TCHH: variants seen among roughly 807,000 people sequenced by gnomAD.
TCHH encodes trichohyalin.
A neutral mutation model predicts 6.3 loss-of-function variants in TCHH; 6 were observed. The observed-to-expected ratio is 0.95, with a 90% CI of 0.52 to 1.88. The LOEUF is 1.88. TCHH is among the 40% of genes most tolerant of loss of function. The probability of loss-of-function intolerance (pLI) is 0.01; values close to 1 mark genes in which losing one functional copy is unlikely to be tolerated. For missense variants in TCHH, 2,920 were observed against 2,449.1 expected, an observed-to-expected ratio of 1.19 and a Z score of -4.06; for synonymous variants, 1,087 against 963.6, an observed-to-expected ratio of 1.13 and a Z score of -2.37.
At position 152,109,376 on chromosome 1, in the gene TCHH, G is replaced by A; in HGVS notation, c.3841C>T (p.Gln1281Ter). ...LGEQQERDRE[Q>*]ERRRWQQRDR... ...CGCTGCTGCCAGCGCCTCCTCTCTTGCTCACGATCTCGCTCTTGCTGTTCA... is the reference window on the plus strand; with the variant it reads ...CGCTGCTGCCAGCGCCTCCTCTCTTACTCACGATCTCGCTCTTGCTGTTCA... Residue 1281 changes from glutamine (Q) to a stop codon, truncating the protein, a stop_gained, in exon 3 of 3, where the codon CAA (glutamine) becomes TAA (stop). Coordinates refer to ENST00000614923, the MANE Select transcript of TCHH (RefSeq NM_007113.4). LOFTEE classifies it low-confidence loss of function (END_TRUNC). 1.2e-6 allele frequency: 2 copies of A among 1,614,196 alleles called. No homozygotes were observed. The highest frequency in any genetic ancestry group is 1.7e-6 in the Non-Finnish European group (2 of 1,180,042).
At position 152,109,061 on chromosome 1, in the gene TCHH, G is replaced by A; in HGVS notation, c.4156C>T (p.Gln1386Ter). Reference protein sequence around the residue: ...FLEEEQRLRRQERERKFLKEE... With the variant: ...FLEEEQRLRR The stretch of plus-strand genomic sequence containing the variant: ...TTAAGGAATTTTCTCTCCCGTTCCT[G>A]GCGGCGCAGCCGCTGTTCCTCCTCG... The change falls in exon 3 of 3, where the codon CAG (glutamine) becomes TAG (stop). Residue 1386 changes from glutamine (Q) to a stop codon, truncating the protein, a stop_gained. Coordinates refer to ENST00000614923, the MANE Select transcript of TCHH (RefSeq NM_007113.4). LOFTEE classifies it low-confidence loss of function (END_TRUNC). 1.9e-6 allele frequency: 3 copies of A among 1,613,314 alleles called. No individual in the cohort carries two copies. In the South Asian group the frequency reaches 3.3e-5, roughly 18 times the overall value.
In TCHH at chr1:152,107,922, G is replaced by A. The variant is rs1365421118; in HGVS notation, c.5295C>T (p.Arg1765=). The change falls in exon 3 of 3, where the codon CGC becomes CGT. Residue 1765 remains arginine (R), a synonymous_variant. Coordinates refer to ENST00000614923, the MANE Select transcript of TCHH (RefSeq NM_007113.4). ...LRPEREEQQL[R]RQERDRKFRE... is the part of the protein sequence containing the mutation. ...GGAATTTTCTGTCGCGCTCCTGGCG[G>A]CGCAGCTGCTGTTCTTCCCTTTCCG... The A allele has an allele frequency of 1.3e-5, 21 of 1,613,176 alleles. No homozygotes were observed. Among genetic ancestry groups the A allele is most frequent in the East Asian group, 4.5e-5 (2 of 44,772 alleles).
Position 152,112,919 on chromosome 1 carries a change from G to A in TCHH, c.298C>T (p.Arg100Ter). 6.2e-7 allele frequency: 1 copy of A among 1,613,764 alleles called. No individual in the cohort carries two copies. Among genetic ancestry groups the A allele is most frequent in the South Asian group, 1.1e-5 (1 of 91,050 alleles). The change falls in exon 3 of 3, where the codon CGA becomes TGA. Residue 100 changes from arginine (R) to a stop codon, truncating the protein, a stop_gained. Coordinates refer to ENST00000614923, the MANE Select transcript of TCHH (RefSeq NM_007113.4). LOFTEE classifies it low-confidence loss of function (END_TRUNC). ...GQATGLDEEK[R>*]ARCDGKESLL... ...CTCTCCTTTCCGTCACACCGGGCTC[G>A]CTTCTCCTCATCCAGTCCCGTGGCC...
chr1:152,108,200 C>T lies in TCHH; in HGVS notation c.5017G>A (p.Glu1673Lys), dbSNP rs1456073929. 1.2e-6 allele frequency: 2 copies of T among 1,610,960 alleles called. No individual in the cohort carries two copies. The highest frequency in any genetic ancestry group is 1.7e-6 in the Non-Finnish European group (2 of 1,179,200). ...HDRDRKFREEEQLLQEGEEQQ... is the reference protein window; with the variant it reads ...HDRDRKFREEKQLLQEGEEQQ... Reference sequence around the variant, plus strand: ...TCCTCCCCTTCCTGGAGCAGCTGTTCCTCTTCACGGAATTTTCTGTCGCGG... The same window carrying T: ...TCCTCCCCTTCCTGGAGCAGCTGTTTCTCTTCACGGAATTTTCTGTCGCGG... The change falls in exon 3 of 3, where the codon GAA (glutamate) becomes AAA (lysine). Residue 1673 changes from glutamate (E) to lysine (K), a missense_variant. Physicochemically the swap from Glu to Lys is moderately conservative, Grantham distance 56. Transcript: ENST00000614923.
Position 152,110,412 on chromosome 1 carries a change from C to T in TCHH, c.2805G>A (p.Gln935=). Residue 935 remains glutamine, a synonymous_variant, in exon 3 of 3, where the codon CAG becomes CAA. Coordinates refer to ENST00000614923, the MANE Select transcript of TCHH (RefSeq NM_007113.4). The part of the protein sequence containing the change: ...EQERQYREEE[Q]LQQEEEQLLR... Reference sequence around the variant, plus strand: ...GCAGCTGCTCTTCCTCCTGCTGCAGCTGCTCTTCCTCGCGGTATTGTCTCT... The same window carrying T: ...GCAGCTGCTCTTCCTCCTGCTGCAGTTGCTCTTCCTCGCGGTATTGTCTCT... The T allele has an allele frequency of 6.2e-7, 1 of 1,614,120 alleles. No homozygotes were observed. Among genetic ancestry groups the T allele is most frequent in the Non-Finnish European group, 8.5e-7 (1 of 1,180,020 alleles).
Position 152,109,763 on chromosome 1 carries a change from GCTCTTCCTCCTGCTGCACCTC to G in TCHH, c.3433_3453del (p.Glu1145_Glu1151del), listed in dbSNP as rs1157442593. ...TTCTCCGGTTCCTCTCTCAGCAGCT[GCTCTTCCTCCTGCTGCACCTC>G]CTCTTCCTCCCGATATTGCCTCTCC... On this transcript the variant is annotated inframe_deletion, in exon 3 of 3. Transcript: ENST00000614923. The G allele has an allele frequency of 1.3e-6, 2 of 1,581,770 alleles. No homozygotes were observed. Among genetic ancestry groups the G allele is most frequent in the African/African-American group, 1.4e-5 (1 of 72,820 alleles).
chr1:152,112,751 C>A lies in TCHH; in HGVS notation c.466G>T (p.Glu156Ter), dbSNP rs1658422073. The change falls in exon 3 of 3, where the codon GAG becomes TAG. Residue 156 changes from glutamate (E) to a stop codon, truncating the protein, a stop_gained. Transcript: ENST00000614923. LOFTEE classifies it low-confidence loss of function (END_TRUNC). The part of the protein sequence containing the change: ...RELAEGEEQS[E>*]KQERLEQRDR... ...CGCTGTTCAAGTCGCTCTTGTTTCT[C>A]ACTTTGCTCCTCTCCCTCAGCTAGC... 1 of 1,613,980 alleles carries A rather than the reference C, an allele frequency of 6.2e-7. No individual in the cohort carries two copies. Among genetic ancestry groups the A allele is most frequent in the South Asian group, 1.1e-5 (1 of 91,080 alleles).
Position 152,111,836 on chromosome 1 carries a change from C to G in TCHH, c.1381G>C (p.Glu461Gln), listed in dbSNP as rs751921082. 4.5e-6 allele frequency: 7 copies of G among 1,549,836 alleles called. No individual in the cohort carries two copies. The highest frequency in any genetic ancestry group is 1.8e-5 in the Admixed American group (1 of 55,540). ...TGCTCGTGCCTCTCCGTCTCCTCCT[C>G]GCGCTTCAGCCAATCGCGCCTCTCC... ...QEERRDWLKR[E>Q]EETERHEQER... is the part of the protein sequence containing the mutation. The change falls in exon 3 of 3, where the codon GAG becomes CAG. Residue 461 changes from glutamate to glutamine, a missense_variant. Glu to Gln is a conservative substitution (Grantham distance 29, BLOSUM62 2). Coordinates refer to ENST00000614923, the MANE Select transcript of TCHH (RefSeq NM_007113.4).
chr1:152,107,660 T>C lies in TCHH; in HGVS notation c.5557A>G (p.Thr1853Ala), dbSNP rs745741658. Residue 1853 changes from threonine to alanine, a missense_variant, in exon 3 of 3, where the codon ACG becomes GCG. Physicochemically the swap from Thr to Ala is moderately conservative, Grantham distance 58 (BLOSUM62 0). Coordinates refer to ENST00000614923, the MANE Select transcript of TCHH (RefSeq NM_007113.4). ...RQYRAEEQFA[T>A]QEKSRREEQE... ...TCCTCACGACGACTCTTCTCCTGCG[T>C]GGCAAACTGCTCCTCCGCCCGGTAC... 7 of 1,613,900 alleles carry C rather than the reference T, an allele frequency of 4.3e-6. No individual in the cohort carries two copies. The South Asian group carries it at 5.5e-5, about 13-fold the overall frequency.
chr1:152,110,716 A>G lies in TCHH; in HGVS notation c.2501T>C (p.Leu834Pro). ...CCGCTGGAGCTGCTCCTCTTCCTCC[A>G]GGAACTGCAGCTCTTTCTCCCTCTC... ...RREREKELQFLEEEEQLQRRE... is the reference protein window; with the variant it reads ...RREREKELQFPEEEEQLQRRE... The change falls in exon 3 of 3, where the codon CTG (leucine) becomes CCG (proline). Residue 834 changes from leucine (L) to proline (P), a missense_variant. Transcript: ENST00000614923. 6.2e-7 allele frequency: 1 copy of G among 1,611,326 alleles called. No homozygotes were observed. The highest frequency in any genetic ancestry group is 1.3e-5 in the African/African-American group (1 of 74,906).
chr1:152,113,809 A>G (rs1658446202), intron 2 of TCHH, 134 bp downstream of exon 2: 2 of 1,030,440 alleles, frequency 1.9e-6, no homozygotes, highest in African/African-American at 1.6e-5. Context: ...TGACTCAGAA[A>G]TGAATGGGGG....
chr1:152,114,088 TCTTTC>T lies in TCHH; in HGVS notation c.-13_-9del, dbSNP rs756269111. 1 of 1,595,800 alleles carries T rather than the reference TCTTTC, an allele frequency of 6.3e-7. No homozygotes were observed. Among genetic ancestry groups the T allele is most frequent in the East Asian group, 2.2e-5 (1 of 44,784 alleles). ...TCTCAGAAGTGGAGACATTTTTTTT[TCTTTC>T]CTTCAAGTTCAAGTAAACCTAGAAC... On this transcript the variant is annotated 5_prime_UTR_variant, in exon 2 of 3. Transcript: ENST00000614923.
rs755515750 is a variant in TCHH at position 152,107,689 on chromosome 1, C to A, written c.5528G>T (p.Arg1843Leu). ...AAACTGCTCCTCCGCCCGGTACTGC[C>A]GGTCTCGCTCCTGCCGCAGCCTCTG... is the stretch of plus-strand genomic sequence containing the variant. ...QEQRLRQERD[R>L]QYRAEEQFAT... Residue 1843 changes from arginine to leucine, a missense_variant, in exon 3 of 3, where the codon CGG becomes CTG. Transcript: ENST00000614923. 1.2e-6 allele frequency: 2 copies of A among 1,614,202 alleles called. No homozygotes were observed. The highest frequency in any genetic ancestry group is 1.7e-6 in the Non-Finnish European group (2 of 1,180,044).
rs1452327395 is a variant in TCHH, at chr1:152,107,598, G to A, written c.5619C>T (p.Arg1873=). The change falls in exon 3 of 3, where the codon CGC becomes CGT. Residue 1873 remains arginine, a synonymous_variant. Transcript: ENST00000614923. ...ELWQEEEQKR[R]QERERKLREE... The stretch of plus-strand genomic sequence containing the variant: ...CCCGTAATTTCCTTTCCCGTTCCTG[G>A]CGACGTTTCTGCTCCTCTTCTTGCC... 2 of 1,614,036 alleles carry A rather than the reference G, an allele frequency of 1.2e-6. No homozygotes were observed. Among genetic ancestry groups the A allele is most frequent in the Non-Finnish European group, 1.7e-6 (2 of 1,180,002 alleles).
chr1:152,114,791 C>T (rs867002705), intron 1 of TCHH, among the ~76,000 whole-genome samples: 1 of 152,138 alleles, frequency 6.6e-6, no homozygotes, highest in Admixed American at 6.5e-5. Flanking sequence ...GTAAGATATT[C>T]GGATATTGAA....
Position 152,108,085 on chromosome 1 carries a change from T to G in TCHH, c.5132A>C (p.Gln1711Pro), listed in dbSNP as rs1201725448. Reference sequence around the variant, plus strand: ...CTGGCGGCGCAGCTGCTGTTCCTCCTGGAGGAATTTTCTCTCTCGTTCCTG... The same window carrying G: ...CTGGCGGCGCAGCTGCTGTTCCTCCGGGAGGAATTTTCTCTCTCGTTCCTG... ...RRQERERKFL[Q>P]EEQQLRRQEL... is the part of the protein sequence containing the mutation. Residue 1711 changes from glutamine to proline, a missense_variant, in exon 3 of 3, where the codon CAG (glutamine) becomes CCG (proline). By Grantham distance (76) the Gln-to-Pro change is moderately conservative. Transcript: ENST00000614923. The G allele has an allele frequency of 1.9e-6, 3 of 1,612,780 alleles. No individual in the cohort carries two copies. In the African/African-American group the frequency reaches 4.0e-5, roughly 22 times the overall value.
At position 152,111,024 on chromosome 1, in the gene TCHH, G is replaced by C; in HGVS notation, c.2193C>G (p.Arg731=). The part of the protein sequence containing the change: ...SRPRKQEGQR[R]RQEQEEKRRR... ...GCCTCTTTTCCTCCTGCTCTTGGCG[G>C]CGCCTCTGCCCTTCCTGCTTGCGGG... Residue 731 remains arginine (R), a synonymous_variant, in exon 3 of 3, where the codon CGC becomes CGG. Coordinates refer to ENST00000614923, the MANE Select transcript of TCHH (RefSeq NM_007113.4). The C allele has an allele frequency of 6.2e-7, 1 of 1,613,454 alleles. No individual in the cohort carries two copies. The highest frequency in any genetic ancestry group is 2.2e-5 in the East Asian group (1 of 44,832).
chr1:152,110,505 C>CT lies in TCHH; in HGVS notation c.2711dup (p.Leu905AlafsTer60). ...GCTCCTCCTCCTCCTCCTGCAGCAGCTGCTGTTCCTTCCTCAGCTGCTCTT... is the reference window on the plus strand; with the variant it reads ...GCTCCTCCTCCTCCTCCTGCAGCAGCTTGCTGTTCCTTCCTCAGCTGCTCTT... On this transcript the variant is annotated frameshift_variant, in exon 3 of 3. Transcript: ENST00000614923. LOFTEE classifies it low-confidence loss of function (END_TRUNC). 6.2e-7 allele frequency: 1 copy of CT among 1,614,200 alleles called. No homozygotes were observed. Among genetic ancestry groups the CT allele is most frequent in the African/African-American group, 1.3e-5 (1 of 75,052 alleles).
Position 152,110,811 on chromosome 1 carries a change from C to G in TCHH, c.2406G>C (p.Glu802Asp), listed in dbSNP as rs752929893. The change falls in exon 3 of 3, where the codon GAG (glutamate) becomes GAC (aspartate). Residue 802 changes from glutamate (E) to aspartate (D), a missense_variant. By Grantham distance (45) the Glu-to-Asp change is conservative (BLOSUM62 2). Coordinates refer to ENST00000614923, the MANE Select transcript of TCHH (RefSeq NM_007113.4). ...GAAACCGTTGTTCCCGCTGCTGGCG[C>G]TCCTCGGCCCTCAGCTGCCTCTCCC... ...EQRERQLRAEERQQREQRFLP... is the reference protein window; with the variant it reads ...EQRERQLRAEDRQQREQRFLP... 37 of 1,608,406 alleles carry G rather than the reference C, an allele frequency of 2.3e-5. No homozygotes were observed. Among genetic ancestry groups the G allele is most frequent in the Non-Finnish European group, 2.9e-5 (34 of 1,179,886 alleles).
Sources: allele counts gnomAD v4.1 joint callset (sites outside exome capture counted in the v4.1 genomes callset), GRCh38; gene constraint gnomAD v4.1.1; transcripts MANE v1.5; gene names NCBI Gene and HGNC (gene_info 2026-07-23, HGNC 2026-07-21).